The following HLCS variants were observed in gnomAD, a reference collection of about 807,000 sequenced individuals.
HLCS encodes the protein holocarboxylase synthetase.
In HLCS, 53 loss-of-function variants were observed where a neutral mutation model predicts 75.0. That is an observed-to-expected ratio of 0.71 (90% confidence interval 0.57 to 0.89). The LOEUF (loss-of-function observed/expected upper bound fraction) is 0.89. HLCS is among the 40% of genes least tolerant of loss of function. HLCS has a pLI of 0.00. For synonymous variants in HLCS, 431 were observed against 428.6 expected, an observed-to-expected ratio of 1.01 and a Z score of -0.07; for missense variants, 966 against 1,074.0, an observed-to-expected ratio of 0.90 and a Z score of 1.41.
chr21:36,886,065 C>CT (rs112554670), intron 6 of HLCS, among the ~76,000 whole-genome samples: 142 of 146,850 alleles, frequency 9.7e-4, no homozygotes, highest in East Asian at 1.2e-3. Context: ...ATGTTATCTA[C>CT]TTTTTTTTTT....
intron 6 of HLCS, among the ~76,000 whole-genome samples, chr21:36,866,279 T>C (rs144525727): frequency 2.0e-5 from 3 of 152,334 alleles, no homozygotes; most frequent in Non-Finnish European, 4.4e-5. Flanking sequence ...GAGGAATTCA[T>C]TATTTTTTCA....
intron 6 of HLCS, among the ~76,000 whole-genome samples, chr21:36,834,120 G>A (rs113878264): frequency 0.011 from 1,710 of 152,324 alleles, 23 homozygotes; most frequent in African/African-American, 0.038. Context: ...GAGTACGCAC[G>A]GACTTTGGCG....
At chr21:36,835,502 C>T (rs186092923) in intron 6 of HLCS, among the ~76,000 whole-genome samples, 34 of 152,308 alleles carry the variant, frequency 2.2e-4, no homozygotes, top group East Asian at 3.9e-4. Context: ...ATCACTCTGT[C>T]CCTCCCTAGC....
At chr21:36,758,923 G>A (rs2089713372) in intron 9 of HLCS, among the ~76,000 whole-genome samples, 1 of 151,912 alleles carries the variant, frequency 6.6e-6, no homozygotes, top group African/African-American at 2.4e-5. Context: ...GGCGGAGGCT[G>A]CAGTGAGCCG....
chr21:36,966,829 GT>G (rs1429473275), upstream of HLCS, among the ~76,000 whole-genome samples: 53 of 143,354 alleles, frequency 3.7e-4, no homozygotes, highest in East Asian at 1.1e-3. Context: ...GCGGGGGGGG[GT>G]GAGGCCGCGC....
chr21:36,951,608 G>C (rs956117356), intron 2 of HLCS, among the ~76,000 whole-genome samples: 1 of 152,176 alleles, frequency 6.6e-6, no homozygotes, highest in African/African-American at 2.4e-5. Flanking sequence ...ATCTCTGAAT[G>C]AATCTTTCAT....
chr21:36,954,746 A>AAAAAC (rs563943744), intron 2 of HLCS, among the ~76,000 whole-genome samples: 7,003 of 151,676 alleles, frequency 0.046, 243 homozygotes, highest in South Asian at 0.13. Flanking sequence ...TACTTATTAA[A>AAAAAC]AAAACAAAAC....
intron 6 of HLCS, among the ~76,000 whole-genome samples, chr21:36,849,360 A>G (rs1040389477): frequency 2.0e-5 from 3 of 152,266 alleles, no homozygotes; most frequent in Non-Finnish European, 4.4e-5. Flanking sequence ...AAAAGGTAAA[A>G]ATAGAATTTG....
At chr21:36,819,621 C>T (rs546955756) in intron 6 of HLCS, among the ~76,000 whole-genome samples, 2 of 152,266 alleles carry the variant, frequency 1.3e-5, no homozygotes, top group South Asian at 2.1e-4. Flanking sequence ...CTGTTTTACA[C>T]ACACACTATC....
At position 36,842,551 on chromosome 21, in the gene HLCS, C is replaced by T. The variant is rs1179047558; in HGVS notation, c.1892+54309G>A. Among the ~76,000 whole-genome samples, 4 of 151,974 alleles carry T rather than the reference C, an allele frequency of 2.6e-5. No individual in the cohort carries two copies. The highest frequency in any genetic ancestry group is 2.9e-5 in the Non-Finnish European group (2 of 67,980). ...GGCCAGGAGTTCGAGACCAGCCTGG[C>T]CAACAATGCAAAACCTCATTTCTAC... On this transcript the variant is annotated intron_variant, in intron 6 of 10. Transcript: ENST00000674895. This position sits in a 1 kb window ranked among gnomAD's most constrained non-coding sequence, Gnocchi z 4.2.
chr21:36,983,805 C>G (rs1314201345), intron 1 of HLCS, among the ~76,000 whole-genome samples: 1 of 149,576 alleles, frequency 6.7e-6, no homozygotes, highest in Non-Finnish European at 1.5e-5. Context: ...TCACTGCACT[C>G]AAGCCTGGGT....
At position 36,873,801 on chromosome 21, in the gene HLCS, A is replaced by G. The variant is rs535784328; in HGVS notation, c.1892+23059T>C. On this transcript the variant is annotated intron_variant, in intron 6 of 10. Transcript: ENST00000674895. ...TATTTTGTAGAGATGGAGTTTCACT[A>G]TGTTGCCCAGGCTGGTCTCAAACTC... 3.3e-5 allele frequency among the ~76,000 whole-genome samples: 5 copies of G among 152,250 alleles called. No homozygotes were observed. In the East Asian group the frequency reaches 7.7e-4, roughly 24 times the overall value.
At chr21:36,790,776 T>C (rs2060838175) in intron 6 of HLCS, among the ~76,000 whole-genome samples, 1 of 152,142 alleles carries the variant, frequency 6.6e-6, no homozygotes, top group Non-Finnish European at 1.5e-5. Context: ...TATTAACCAC[T>C]CTGGCAGGGC....
intron 6 of HLCS, among the ~76,000 whole-genome samples, chr21:36,791,277 A>G (rs916686395): frequency 6.6e-6 from 1 of 152,132 alleles, no homozygotes; most frequent in Non-Finnish European, 1.5e-5. Flanking sequence ...CCCCTGCCGG[A>G]GCCGAGTACA....
At chr21:36,939,178 T>A (rs2067028034) in intron 2 of HLCS, among the ~76,000 whole-genome samples, 184 bp from the exon 3 acceptor site, 3 of 152,224 alleles carry the variant, frequency 2.0e-5, no homozygotes, top group Admixed American at 6.5e-5. Context: ...CATTCTCATC[T>A]CTACCTGACA....
chr21:36,886,847 C>T (rs1428409440), intron 6 of HLCS, among the ~76,000 whole-genome samples: 3 of 152,162 alleles, frequency 2.0e-5, no homozygotes, highest in Non-Finnish European at 2.9e-5. Flanking sequence ...CAGCAGTCAG[C>T]AGGGTCTGGT....
chr21:36,918,089 G>A (rs1472801613), intron 5 of HLCS, among the ~76,000 whole-genome samples: 1 of 152,054 alleles, frequency 6.6e-6, no homozygotes, highest in African/African-American at 2.4e-5. Flanking sequence ...TGCATAGAAA[G>A]CCTTTAAATA....
At chr21:36,771,958 C>A (rs2145797124) in intron 6 of HLCS, among the ~76,000 whole-genome samples, 1 of 150,042 alleles carries the variant, frequency 6.7e-6, no homozygotes, top group Admixed American at 6.7e-5. Context: ...GAGATCACAC[C>A]ACTGCACTCC....
chr21:36,937,883 G>T (rs2066967581), intron 3 of HLCS, among the ~76,000 whole-genome samples: 1 of 152,198 alleles, frequency 6.6e-6, no homozygotes, highest in Non-Finnish European at 1.5e-5. Context: ...TGGAACATAA[G>T]TTGACAATCA....
Sources: allele counts gnomAD v4.1 joint callset (sites outside exome capture counted in the v4.1 genomes callset), GRCh38; gene constraint gnomAD v4.1.1; non-coding constraint Gnocchi (gnomAD v3.1); transcripts MANE v1.5; gene names NCBI Gene and HGNC (gene_info 2026-07-23, HGNC 2026-07-21).